Variants in ARHGAP25 observed in about 807,000 individuals in gnomAD.
ARHGAP25 encodes the protein Rho GTPase activating protein 25, also known as rho GTPase-activating protein 25.
A neutral mutation model predicts 71.0 loss-of-function variants in ARHGAP25; 34 were observed. The observed-to-expected ratio is 0.48, with a 90% CI of 0.36 to 0.64. The LOEUF is 0.64. Among genes scored for constraint, ARHGAP25 ranks in the 30% least tolerant of loss-of-function variants. ARHGAP25 has a pLI of 0.00. For missense variants in ARHGAP25, 706 were observed against 805.1 expected (o/e 0.88, Z 1.49); for synonymous variants, 282 against 296.5 (o/e 0.95, Z 0.50).
In ARHGAP25 at chr2:68,774,287, T is replaced by C. The variant is rs529412929; in HGVS notation, c.62-934T>C. Reference sequence around the variant, plus strand: ...GTTGAATGGGGACCAGGGTGATCGATGGAGCGCTGTGGAGGGAAGGAAAGG... The same window carrying C: ...GTTGAATGGGGACCAGGGTGATCGACGGAGCGCTGTGGAGGGAAGGAAAGG... On this transcript the variant is annotated intron_variant, in intron 1 of 10. Transcript: ENST00000409202. Among the ~76,000 whole-genome samples, 117 of 152,068 alleles carry C rather than the reference T, an allele frequency of 7.7e-4. 1 individual carries two copies. Among genetic ancestry groups the C allele is most frequent in the South Asian group, 3.5e-3 (17 of 4,808 alleles).
Position 68,822,676 on chromosome 2 carries a change from C to G in ARHGAP25, c.1537C>G (p.Pro513Ala). The G allele has an allele frequency of 6.2e-7, 1 of 1,614,146 alleles. No individual in the cohort carries two copies. Among genetic ancestry groups the G allele is most frequent in the Middle Eastern group, 1.6e-4 (1 of 6,062 alleles). ...YDNVPSLPGS[P>A]GEEASALSSQ... is the part of the protein sequence containing the mutation. ...TAACGTCCCTTCCCTGCCAGGGTCC[C>G]CTGGGGAGGAAGCCAGTGCACTCTC... The change falls in exon 10 of 11, where the codon CCT becomes GCT. Residue 513 changes from proline to alanine, a missense_variant. Pro to Ala is a conservative substitution (Grantham distance 27, BLOSUM62 -1). Transcript: ENST00000409202.
chr2:68,754,432 T>C (rs1676361838), intron 1 of ARHGAP25, among the ~76,000 whole-genome samples: 1 of 152,254 alleles, frequency 6.6e-6, no homozygotes. Flanking sequence ...TAGATAGTTT[T>C]GTCCTTTTTA....
At chr2:68,801,762 T>C (rs759268168) in intron 4 of ARHGAP25, among the ~76,000 whole-genome samples, 3 of 152,130 alleles carry the variant, frequency 2.0e-5, no homozygotes, top group Non-Finnish European at 4.4e-5. Flanking sequence ...TAAAATTACA[T>C]GACAGTGATA....
At chr2:68,782,578 G>A (rs1254866344) in intron 3 of ARHGAP25, among the ~76,000 whole-genome samples, 1 of 152,180 alleles carries the variant, frequency 6.6e-6, no homozygotes, top group Non-Finnish European at 1.5e-5. Flanking sequence ...ATGAGCGTGT[G>A]CTAGGAGCCA....
At chr2:68,753,015 A>G (rs1363030818) in intron 1 of ARHGAP25, among the ~76,000 whole-genome samples, 4 of 151,984 alleles carry the variant, frequency 2.6e-5, no homozygotes, top group Non-Finnish European at 5.9e-5. Context: ...GACAGCATCA[A>G]TCCTCCCAGT....
intron 5 of ARHGAP25, among the ~76,000 whole-genome samples, chr2:68,812,583 C>G (rs181329127): frequency 6.6e-6 from 1 of 152,354 alleles, no homozygotes; most frequent in Non-Finnish European, 1.5e-5. Context: ...CTTGGGTGTT[C>G]TTTTTCCATA....
intron 1 of ARHGAP25, among the ~76,000 whole-genome samples, chr2:68,735,716 A>C (rs1220815313): frequency 2.0e-5 from 3 of 152,218 alleles, no homozygotes; most frequent in Non-Finnish European, 4.4e-5. Context: ...GTAGTAGCAA[A>C]AGGTAGACAA....
intron 1 of ARHGAP25, among the ~76,000 whole-genome samples, chr2:68,762,144 G>A (rs953886393): frequency 6.6e-6 from 1 of 152,172 alleles, no homozygotes; most frequent in Non-Finnish European, 1.5e-5. Context: ...AAAGACAAAT[G>A]CTGTATAATT....
intron 1 of ARHGAP25, among the ~76,000 whole-genome samples, chr2:68,773,957 G>C (rs377726507): frequency 2.6e-5 from 4 of 152,162 alleles, no homozygotes; most frequent in Non-Finnish European, 5.9e-5. Context: ...AGGAAGCCGA[G>C]GCTCAGAGAA....
intron 4 of ARHGAP25, among the ~76,000 whole-genome samples, chr2:68,796,655 G>T (rs143574831): frequency 9.2e-5 from 14 of 152,280 alleles, no homozygotes; most frequent in Middle Eastern, 3.4e-3. Context: ...TTAGGGTGCA[G>T]TTATTGGTTA....
chr2:68,774,741 C>T lies in ARHGAP25; in HGVS notation c.62-480C>T, dbSNP rs59030583. On this transcript the variant is annotated intron_variant, in intron 1 of 10. Coordinates refer to ENST00000409202, the MANE Select transcript of ARHGAP25 (RefSeq NM_001007231.3). Reference sequence around the variant, plus strand: ...GTCTTGCGGCCCCTCCTCTAGCCGGCCGCTGTGGAAGAGTGCCCAGGCAGC... The same window carrying T: ...GTCTTGCGGCCCCTCCTCTAGCCGGTCGCTGTGGAAGAGTGCCCAGGCAGC... 3.5e-3 allele frequency: 3,496 copies of T among 1,009,062 alleles called. 86 individuals carry two copies. In the African/African-American group the frequency reaches 0.056, roughly 16 times the overall value. 62.5% of individuals were successfully genotyped at this position (1,009,062 alleles called of 1,614,324 possible).
intron 1 of ARHGAP25, among the ~76,000 whole-genome samples, chr2:68,751,208 G>A (rs1022015057): frequency 6.6e-6 from 1 of 152,144 alleles, no homozygotes; most frequent in African/African-American, 2.4e-5. Flanking sequence ...TGCAGGACTT[G>A]CTCACTCACC....
At chr2:68,797,434 G>A (rs1032307230) in intron 4 of ARHGAP25, among the ~76,000 whole-genome samples, 1 of 152,122 alleles carries the variant, frequency 6.6e-6, no homozygotes, top group African/African-American at 2.4e-5. Flanking sequence ...GTCAGTCCTG[G>A]CAGGCTGCAC....
At chr2:68,802,131 C>T (rs917496031) in intron 4 of ARHGAP25, among the ~76,000 whole-genome samples, 7 of 152,042 alleles carry the variant, frequency 4.6e-5, no homozygotes, top group South Asian at 2.1e-4. Flanking sequence ...CAACCTAGGC[C>T]GGGCGCGGTG....
rs972855475 is a variant in ARHGAP25 at position 68,820,492 on chromosome 2, C to T, written c.1200+1173C>T. 2.6e-5 allele frequency among the ~76,000 whole-genome samples: 4 copies of T among 152,128 alleles called. No homozygotes were observed. The East Asian group carries it at 7.7e-4, about 29-fold the overall frequency. On this transcript the variant is annotated intron_variant, in intron 9 of 10. Coordinates refer to ENST00000409202, the MANE Select transcript of ARHGAP25 (RefSeq NM_001007231.3). Reference sequence around the variant, plus strand: ...CTAACTCCGGGTGGGGTTTCTGAAGCAAGCAATTGGCTGCAAAGGTTAAAG... The same window carrying T: ...CTAACTCCGGGTGGGGTTTCTGAAGTAAGCAATTGGCTGCAAAGGTTAAAG...
upstream of ARHGAP25, among the ~76,000 whole-genome samples, chr2:68,730,432 C>T (rs902311911): frequency 6.6e-6 from 1 of 152,032 alleles, no homozygotes; most frequent in Non-Finnish European, 1.5e-5. Flanking sequence ...TCACTTGAAC[C>T]CAGGAGCTTG....
In ARHGAP25 at chr2:68,775,371, G is replaced by C; in HGVS notation, c.212G>C (p.Arg71Thr). 6.2e-7 allele frequency: 1 copy of C among 1,614,238 alleles called. No individual in the cohort carries two copies. Among genetic ancestry groups the C allele is most frequent in the Middle Eastern group, 1.6e-4 (1 of 6,062 alleles). ...KNWQQRYFVL[R>T]AQQLYYYKDE... ...TGGCAGCAGAGGTACTTTGTGCTGA[G>C]GGCGCAGCAGCTCTACTACTACAAG... Residue 71 changes from arginine to threonine, a missense_variant, in exon 2 of 11, where the codon AGG becomes ACG. Coordinates refer to ENST00000409202, the MANE Select transcript of ARHGAP25 (RefSeq NM_001007231.3).
intron 2 of ARHGAP25, among the ~76,000 whole-genome samples, chr2:68,729,126 T>A (rs1412208069): frequency 6.6e-6 from 1 of 152,188 alleles, no homozygotes; most frequent in Admixed American, 6.5e-5. Context: ...GGTCTGCTAA[T>A]GGGTATGGAG....
chr2:68,807,429 T>C lies in ARHGAP25; in HGVS notation c.623T>C (p.Val208Ala). 6.2e-7 allele frequency: 1 copy of C among 1,614,204 alleles called. No homozygotes were observed. Among genetic ancestry groups the C allele is most frequent in the Non-Finnish European group, 8.5e-7 (1 of 1,180,040 alleles). Residue 208 changes from valine (V) to alanine (A), a missense_variant, in exon 5 of 11, where the codon GTG becomes GCG. Physicochemically the swap from Val to Ala is moderately conservative, Grantham distance 64. Transcript: ENST00000409202. ...CGTCTGCCTGGGCAGGACAACCTGG[T>C]GAAGCAGCTGAGAGACGCTTTTGAT... ...IFRLPGQDNL[V>A]KQLRDAFDAG...
Sources: gnomAD v4.1 joint callset for allele counts (sites outside exome capture counted in the v4.1 genomes callset) on GRCh38, gnomAD v4.1.1 for gene constraint, MANE v1.5 for transcripts, NCBI Gene and HGNC (gene_info 2026-07-23, HGNC 2026-07-21) for gene names.